CAMK1D: variants seen among roughly 807,000 people sequenced by gnomAD.
CAMK1D encodes the protein calcium/calmodulin-dependent protein kinase type 1D.
Under a neutral mutation model 47.7 loss-of-function variants are expected in CAMK1D, and 9 were observed. The observed-to-expected ratio is 0.19, with a 90% CI of 0.11 to 0.33. The LOEUF (loss-of-function observed/expected upper bound fraction) is 0.33. Among genes scored for constraint, CAMK1D ranks in the 10% least tolerant of loss-of-function variants. CAMK1D has a pLI of 1.00. For missense variants in CAMK1D, 291 were observed against 488.7 expected (o/e 0.60, Z 3.81); for synonymous variants, 184 against 184.9 (o/e 0.99, Z 0.04).
At chr10:12,395,134 C>T (rs911286986) in intron 1 of CAMK1D, among the ~76,000 whole-genome samples, 8 of 138,422 alleles carry the variant, frequency 5.8e-5, no homozygotes, top group African/African-American at 2.2e-4. Context: ...TGCAGTGGTG[C>T]GATCATAGCT....
intron 6 of CAMK1D, among the ~76,000 whole-genome samples, chr10:12,793,005 C>G (rs1052424754): frequency 3.3e-5 from 5 of 151,636 alleles, no homozygotes; most frequent in African/African-American, 1.2e-4. Context: ...ATTTTGCATA[C>G]CATTTTCTCG....
intron 2 of CAMK1D, among the ~76,000 whole-genome samples, chr10:12,582,001 C>G (rs180713079): frequency 1.3e-5 from 2 of 152,124 alleles, no homozygotes; most frequent in Admixed American, 6.5e-5. Flanking sequence ...ATGTTATTTT[C>G]TAGAATTTTT....
intron 1 of CAMK1D, among the ~76,000 whole-genome samples, chr10:12,387,482 AATG>A (rs1838565447): frequency 8.7e-6 from 1 of 115,270 alleles, no homozygotes; most frequent in Non-Finnish European, 1.9e-5. Context: ...GTAAACTCTT[AATG>A]AAAGTTATAT....
intron 5 of CAMK1D, among the ~76,000 whole-genome samples, chr10:12,785,697 C>T (rs1415984440): frequency 2.0e-5 from 3 of 152,148 alleles, no homozygotes; most frequent in African/African-American, 7.2e-5. Context: ...GAGTCCTTGC[C>T]ACGCGTCATA....
At chr10:12,819,842 G>A (rs974273762) in intron 8 of CAMK1D, among the ~76,000 whole-genome samples, 60 of 152,312 alleles carry the variant, frequency 3.9e-4, no homozygotes, top group African/African-American at 1.4e-3. Context: ...GCGGGGCAGC[G>A]TGGCAGGGAT....
chr10:12,441,309 T>G (rs889776158), intron 1 of CAMK1D, among the ~76,000 whole-genome samples: 1 of 152,144 alleles, frequency 6.6e-6, no homozygotes, highest in Admixed American at 6.5e-5. Flanking sequence ...GTGATCCTTC[T>G]GCCTCAGCCT....
chr10:12,517,142 G>A (rs927011684), intron 1 of CAMK1D, among the ~76,000 whole-genome samples: 2 of 152,126 alleles, frequency 1.3e-5, no homozygotes, highest in African/African-American at 2.4e-5. Context: ...TTTTGCAGCT[G>A]TTGTGAATAG....
chr10:12,474,679 AT>A (rs920785768), intron 1 of CAMK1D, among the ~76,000 whole-genome samples: 2 of 151,728 alleles, frequency 1.3e-5, no homozygotes. Context: ...TGCTGTACAG[AT>A]TTTTTTTATC....
At chr10:12,510,235 CAA>C (rs1346161862) in intron 1 of CAMK1D, among the ~76,000 whole-genome samples, 1 of 152,062 alleles carries the variant, frequency 6.6e-6, no homozygotes, top group East Asian at 1.9e-4. Flanking sequence ...GCCAACATAG[CAA>C]AAACTCATCT....
intron 3 of CAMK1D, among the ~76,000 whole-genome samples, chr10:12,715,439 C>T (rs539468814): frequency 8.6e-4 from 131 of 152,218 alleles, no homozygotes; most frequent in Non-Finnish European, 1.5e-4. Flanking sequence ...GGAAAATGCC[C>T]CAAATATTCA....
intron 1 of CAMK1D, among the ~76,000 whole-genome samples, chr10:12,538,184 C>T (rs1376905401): frequency 6.6e-6 from 1 of 152,216 alleles, no homozygotes; most frequent in African/African-American, 2.4e-5. Flanking sequence ...TTAGATTATG[C>T]TGGACTTGGT....
chr10:12,745,926 C>T lies in CAMK1D; in HGVS notation c.300-15022C>T, dbSNP rs537105899. ...GCTGACGAAATCTGACAACTTTCTT[C>T]CAGAATACCACAACTCAAGAACAGT... On this transcript the variant is annotated intron_variant, in intron 3 of 10. Coordinates refer to ENST00000619168, the MANE Select transcript of CAMK1D (RefSeq NM_153498.4). Among the ~76,000 whole-genome samples the T allele has an allele frequency of 1.7e-4, 26 of 152,230 alleles. No homozygotes were observed. In the South Asian group the frequency reaches 4.8e-3, roughly 28 times the overall value.
At chr10:12,605,825 G>A (rs2132399710) in intron 2 of CAMK1D, among the ~76,000 whole-genome samples, 1 of 152,290 alleles carries the variant, frequency 6.6e-6, no homozygotes, top group South Asian at 2.1e-4. Flanking sequence ...GGAAACAGGA[G>A]TTATTGAGAA....
intron 3 of CAMK1D, among the ~76,000 whole-genome samples, chr10:12,739,496 G>A (rs1588872161): frequency 7.8e-6 from 1 of 128,076 alleles, no homozygotes; most frequent in Non-Finnish European, 1.6e-5. Context: ...TCACCATGTT[G>A]GCCAGGCTGG....
At chr10:12,670,110 T>C (rs1395570549) in intron 3 of CAMK1D, among the ~76,000 whole-genome samples, 3 of 146,460 alleles carry the variant, frequency 2.0e-5, no homozygotes, top group Non-Finnish European at 4.5e-5. Context: ...TTTTCCAAAG[T>C]GGTTGTACCG....
chr10:12,497,897 G>T (rs1264643122), intron 1 of CAMK1D, among the ~76,000 whole-genome samples: 1 of 152,194 alleles, frequency 6.6e-6, no homozygotes, highest in African/African-American at 2.4e-5. Flanking sequence ...GAGGCTTAAT[G>T]GACTCACAGT....
At chr10:12,813,442 A>G (rs1588958573) in intron 6 of CAMK1D, among the ~76,000 whole-genome samples, 1 of 152,174 alleles carries the variant, frequency 6.6e-6, no homozygotes, top group East Asian at 1.9e-4. Flanking sequence ...GATATTAAAC[A>G]TATCTTTTGT....
At chr10:12,700,263 G>C (rs1228606690) in intron 3 of CAMK1D, among the ~76,000 whole-genome samples, 1 of 152,164 alleles carries the variant, frequency 6.6e-6, no homozygotes, top group Non-Finnish European at 1.5e-5. Flanking sequence ...ACTCCCAGTT[G>C]CGCAGGCCTG....
intron 4 of CAMK1D, among the ~76,000 whole-genome samples, 168 bp downstream of exon 4, chr10:12,761,254 C>G (rs1368666780): frequency 6.6e-6 from 1 of 152,116 alleles, no homozygotes; most frequent in Non-Finnish European, 1.5e-5. Flanking sequence ...GGATCCAGAC[C>G]CAGAAGTATC....
Sources: gnomAD v4.1 joint callset for allele counts (sites outside exome capture counted in the v4.1 genomes callset) on GRCh38, gnomAD v4.1.1 for gene constraint, MANE v1.5 for transcripts, NCBI Gene and HGNC (gene_info 2026-07-23, HGNC 2026-07-21) for gene names.